Variants in ANO4 observed in about 807,000 individuals in gnomAD.
ANO4 encodes the protein anoctamin 4.
A neutral mutation model predicts 141.9 loss-of-function variants in ANO4; 69 were observed. The observed-to-expected ratio is 0.49, with a 90% confidence interval of 0.40 to 0.59. The LOEUF is 0.59. ANO4 is among the 20% of genes least tolerant of loss of function. The probability of loss-of-function intolerance (pLI) is 0.00; values close to 1 mark genes in which losing one functional copy is unlikely to be tolerated. For synonymous variants in ANO4, 350 were observed against 394.3 expected (o/e 0.89, Z 1.33); for missense variants, 894 against 1,162.2 (o/e 0.77, Z 3.36).
intron 3 of ANO4, among the ~76,000 whole-genome samples, chr12:100,938,308 G>A (rs1045834603): frequency 6.6e-6 from 1 of 152,198 alleles, no homozygotes; most frequent in Non-Finnish European, 1.5e-5. Context: ...CAGGAAGCCA[G>A]GTCACTTTTA....
chr12:100,740,783 A>G (rs931619796), intron 3 of ANO4, among the ~76,000 whole-genome samples: 1 of 152,236 alleles, frequency 6.6e-6, no homozygotes, highest in African/African-American at 2.4e-5. Flanking sequence ...ATATTTTGAT[A>G]CACATGAAAG....
At chr12:101,107,607 T>C (rs758671713) in intron 22 of ANO4, among the ~76,000 whole-genome samples, 23 of 152,194 alleles carry the variant, frequency 1.5e-4, no homozygotes, top group Non-Finnish European at 2.9e-4. Context: ...GAGTAGAGGA[T>C]TGTTTGGGAA....
chr12:101,014,541 C>G (rs1022792706), intron 8 of ANO4, among the ~76,000 whole-genome samples: 31 of 152,202 alleles, frequency 2.0e-4, no homozygotes, highest in African/African-American at 7.2e-4. Context: ...CACATGCACA[C>G]AGGCAGACCT....
intron 3 of ANO4, among the ~76,000 whole-genome samples, chr12:100,774,848 A>G (rs142420930): frequency 4.5e-4 from 69 of 152,356 alleles, no homozygotes; most frequent in African/African-American, 1.6e-3. Flanking sequence ...AATCTTGTAA[A>G]TGAATATGAA....
At chr12:101,023,265 C>G (rs1325048062) in intron 9 of ANO4, among the ~76,000 whole-genome samples, 1 of 152,146 alleles carries the variant, frequency 6.6e-6, no homozygotes, top group East Asian at 1.9e-4. Context: ...TTTAAATGTT[C>G]TGAAGAAGCA....
rs5800423 is a variant in ANO4 at position 100,797,277 on chromosome 12, C to CTT, written c.-141+2263_-141+2264dup. The stretch of plus-strand genomic sequence containing the variant: ...ATTCCTCAGATATTGCTTTAACTGG[C>CTT]TTTTTTTTTTTTTTGGTAAGGATTT... On this transcript the variant is annotated intron_variant, in intron 1 of 27. Transcript: ENST00000392977. Among the ~76,000 whole-genome samples the CTT allele has an allele frequency of 2.2e-4, 30 of 136,824 alleles. 1 individual carries two copies. The highest frequency in any genetic ancestry group is 4.2e-4 in the East Asian group (2 of 4,778). The allele number at this position is 136,824 out of a possible 152,430, so 89.8% of individuals were successfully genotyped here. A position where few individuals can be genotyped will look rare whatever the true frequency, so the allele number is the denominator to read the frequency against.
chr12:101,076,257 T>C (rs1159750202), intron 14 of ANO4, among the ~76,000 whole-genome samples: 1 of 152,084 alleles, frequency 6.6e-6, no homozygotes, highest in Non-Finnish European at 1.5e-5. Flanking sequence ...ATTGTACTTA[T>C]AAAAGAGACC....
Position 100,876,278 on chromosome 12 carries a change from C to CAAA in ANO4, c.-140-25352_-140-25350dup, listed in dbSNP as rs79799106. Among the ~76,000 whole-genome samples, 878 of 91,906 alleles carry CAAA rather than the reference C, an allele frequency of 9.6e-3. 23 individuals carry two copies. The highest frequency in any genetic ancestry group is 0.03 in the African/African-American group (744 of 24,892). 60.3% of individuals were successfully genotyped at this position (91,906 alleles called of 152,430 possible). On this transcript the variant is annotated intron_variant, in intron 1 of 27. Transcript: ENST00000392977. ...GTGAGAGATCAAGGAATATAAAGAC[C>CAAA]AAAAAAAAAAAAAAAAAACAGTGGG...
chr12:100,764,955 A>G (rs1308370298), intron 3 of ANO4, among the ~76,000 whole-genome samples: 1 of 152,104 alleles, frequency 6.6e-6, no homozygotes, highest in East Asian at 1.9e-4. Flanking sequence ...TGGCTTTGGT[A>G]TTAGGGTAAT....
intron 25 of ANO4, among the ~76,000 whole-genome samples, chr12:101,120,172 C>T (rs968705348): frequency 2.6e-5 from 4 of 152,144 alleles, no homozygotes; most frequent in Non-Finnish European, 1.5e-5. Flanking sequence ...CCATACAAGG[C>T]CACCAGGAGT....
intron 3 of ANO4, among the ~76,000 whole-genome samples, chr12:100,788,804 A>G (rs1334335619): frequency 6.6e-6 from 1 of 152,130 alleles, no homozygotes; most frequent in East Asian, 1.9e-4. Flanking sequence ...ATGATAGTGT[A>G]GAGGATAGAC....
intron 25 of ANO4, among the ~76,000 whole-genome samples, chr12:101,120,042 G>A (rs914320190): frequency 1.3e-5 from 2 of 152,332 alleles, no homozygotes; most frequent in South Asian, 4.1e-4. Context: ...GAGAGTCAAG[G>A]GGTGATATGA....
chr12:101,111,166 T>G (rs1484662217), intron 23 of ANO4, among the ~76,000 whole-genome samples: 3 of 152,274 alleles, frequency 2.0e-5, no homozygotes, highest in South Asian at 4.1e-4. Context: ...GCACACATTC[T>G]GTGAGCACCT....
chr12:100,969,347 G>A (rs532762845), intron 5 of ANO4, among the ~76,000 whole-genome samples: 3 of 152,154 alleles, frequency 2.0e-5, no homozygotes, highest in Admixed American at 6.5e-5. Flanking sequence ...AGCCTGAACT[G>A]CCAGAAAGTT....
intron 14 of ANO4, among the ~76,000 whole-genome samples, chr12:101,060,793 T>A (rs2048314696): frequency 6.6e-6 from 1 of 152,204 alleles, no homozygotes; most frequent in Non-Finnish European, 1.5e-5. Flanking sequence ...ATGGATCTCC[T>A]GAATACAGCA....
intron 3 of ANO4, among the ~76,000 whole-genome samples, chr12:100,934,685 A>G (rs1159182875): frequency 3.3e-5 from 5 of 152,102 alleles, no homozygotes; most frequent in Non-Finnish European, 7.4e-5. Context: ...CTTGGGCAGT[A>G]TGGCCATTTT....
intron 13 of ANO4, among the ~76,000 whole-genome samples, chr12:101,046,339 C>G (rs141443576): frequency 6.6e-6 from 1 of 152,222 alleles, no homozygotes; most frequent in East Asian, 1.9e-4. Flanking sequence ...TCCAGGAATA[C>G]CAGCACCTGT....
At chr12:101,055,350 T>C (rs956649781) in intron 14 of ANO4, among the ~76,000 whole-genome samples, 1 of 152,190 alleles carries the variant, frequency 6.6e-6, no homozygotes, top group African/African-American at 2.4e-5. Flanking sequence ...GAATTGTCAG[T>C]CTTTATAATT....
At chr12:101,048,507 G>T in intron 14 of ANO4, 106 bp downstream of exon 14, 1 of 997,968 alleles carries the variant, frequency 1.0e-6, no homozygotes, top group Non-Finnish European at 1.5e-6. Context: ...TGAGTAAATG[G>T]AATTAGCTTT....
Sources: allele counts gnomAD v4.1 joint callset (sites outside exome capture counted in the v4.1 genomes callset), GRCh38; gene constraint gnomAD v4.1.1; transcripts MANE v1.5; gene names NCBI Gene and HGNC (gene_info 2026-07-23, HGNC 2026-07-21).